AKAP19: variants seen among roughly 807,000 people sequenced by gnomAD.
AKAP19 encodes small A-kinase anchoring protein.
the AKAP19 span, among the ~76,000 whole-genome samples, chr2:189,943,007 G>T: frequency 6.6e-6 from 1 of 152,242 alleles, no homozygotes; most frequent in Admixed American, 6.5e-5. Flanking sequence ...CCCTGTGGCA[G>T]AGAAAGAAAA....
At chr2:190,140,895 T>C in the AKAP19 span, among the ~76,000 whole-genome samples, 1 of 152,204 alleles carries the variant, frequency 6.6e-6, no homozygotes, top group African/African-American at 2.4e-5. Flanking sequence ...TCCAAACGTT[T>C]GTGTTCTGCT....
chr2:190,182,970 G>C, the AKAP19 span, among the ~76,000 whole-genome samples: 1 of 152,214 alleles, frequency 6.6e-6, no homozygotes, highest in African/African-American at 2.4e-5. Flanking sequence ...CATTCATCAT[G>C]TTAATTCTAC....
chr2:189,973,557 T>C, the AKAP19 span, among the ~76,000 whole-genome samples: 1 of 152,082 alleles, frequency 6.6e-6, no homozygotes, highest in Non-Finnish European at 1.5e-5. Flanking sequence ...TCAGAAGGAG[T>C]GGTACCAGTT....
the AKAP19 span, among the ~76,000 whole-genome samples, chr2:189,924,773 G>A: frequency 7.4e-4 from 113 of 152,150 alleles, no homozygotes; most frequent in African/African-American, 2.6e-3. Flanking sequence ...TAGTGTTATA[G>A]TCTTAAGATT....
chr2:190,070,314 A>G, the AKAP19 span, among the ~76,000 whole-genome samples: 1 of 152,152 alleles, frequency 6.6e-6, no homozygotes, highest in Non-Finnish European at 1.5e-5. Flanking sequence ...TTTAAATTAT[A>G]TATCTATATT....
the AKAP19 span, among the ~76,000 whole-genome samples, chr2:190,042,606 G>C: frequency 6.6e-6 from 1 of 152,102 alleles, no homozygotes; most frequent in East Asian, 1.9e-4. Flanking sequence ...TGTGAAGTTA[G>C]GTTGTTAATT....
chr2:190,169,181 G>C, the AKAP19 span, among the ~76,000 whole-genome samples: 2 of 152,270 alleles, frequency 1.3e-5, no homozygotes, highest in East Asian at 1.9e-4. Flanking sequence ...AAGAGAGCTT[G>C]TCCAGGGAAA....
the AKAP19 span, among the ~76,000 whole-genome samples, chr2:190,174,826 C>T: frequency 7.4e-4 from 112 of 152,290 alleles, 1 homozygote; most frequent in African/African-American, 2.5e-3. Flanking sequence ...AAAATAAATG[C>T]AGGTGAAGAC....
the AKAP19 span, among the ~76,000 whole-genome samples, chr2:190,126,323 A>AAAAAAAAAAAAAAAAAAAAC: frequency 7.1e-6 from 1 of 141,670 alleles, no homozygotes; most frequent in East Asian, 2.0e-4. Flanking sequence ...AAAAAAAAAA[A>AAAAAAAAAAAAAAAAAAAAC]AGGTGTATAT....
the AKAP19 span, among the ~76,000 whole-genome samples, chr2:189,992,300 C>T: frequency 6.6e-6 from 1 of 152,284 alleles, no homozygotes; most frequent in African/African-American, 2.4e-5. Context: ...AGGTGATCCA[C>T]CTGCCTCAGC....
At chr2:190,200,268 A>T in the AKAP19 span, 1 of 782,770 alleles carries the variant, frequency 1.3e-6, no homozygotes. Flanking sequence ...GTCTACGATA[A>T]TGTCACTATT....
the AKAP19 span, among the ~76,000 whole-genome samples, chr2:190,085,444 C>A: frequency 6.6e-6 from 1 of 152,160 alleles, no homozygotes; most frequent in Non-Finnish European, 1.5e-5. Flanking sequence ...GAAATAGTTT[C>A]TCTCGTCTCT....
chr2:189,904,676 T>G, the AKAP19 span, among the ~76,000 whole-genome samples: 17 of 152,104 alleles, frequency 1.1e-4, no homozygotes, highest in South Asian at 1.0e-3. Flanking sequence ...TTAATGAACA[T>G]CAGTCTTTAA....
chr2:190,122,141 C>T, the AKAP19 span, among the ~76,000 whole-genome samples: 1 of 152,158 alleles, frequency 6.6e-6, no homozygotes, highest in East Asian at 1.9e-4. Context: ...TTAAAAGAAG[C>T]AGTTGAGCTA....
the AKAP19 span, among the ~76,000 whole-genome samples, chr2:190,104,042 A>G: frequency 6.6e-6 from 1 of 152,216 alleles, no homozygotes; most frequent in Non-Finnish European, 1.5e-5. Context: ...TCACACCTAC[A>G]GCCATCTGAT....
the AKAP19 span, chr2:190,200,353 A>G: frequency 1.8e-6 from 1 of 545,644 alleles, no homozygotes; most frequent in Admixed American, 3.2e-5. Context: ...CTTAGATTTT[A>G]GTCATCTGAA....
chr2:190,183,251 C>T, the AKAP19 span, among the ~76,000 whole-genome samples: 7 of 152,088 alleles, frequency 4.6e-5, no homozygotes, highest in Non-Finnish European at 1.5e-5. Context: ...ATTGAAAGTG[C>T]CAAGTACGAT....
chr2:190,131,951 T>A, the AKAP19 span, among the ~76,000 whole-genome samples: 2 of 151,802 alleles, frequency 1.3e-5, no homozygotes, highest in African/African-American at 2.4e-5. Context: ...CAAAAAAAAA[T>A]TTGCACTAAA....
chr2:190,002,072 A>G, the AKAP19 span, among the ~76,000 whole-genome samples: 33 of 152,208 alleles, frequency 2.2e-4, no homozygotes, highest in African/African-American at 8.0e-4. Flanking sequence ...CATCCAGCAG[A>G]GCCTCCCTAT....
Sources: gnomAD v4.1 joint callset for allele counts (sites outside exome capture counted in the v4.1 genomes callset) on GRCh38, gnomAD v4.1.1 for gene constraint, MANE v1.5 for transcripts, NCBI Gene and HGNC (gene_info 2026-07-23, HGNC 2026-07-21) for gene names.